The following ZFP2 variants were observed in gnomAD, a reference collection of about 807,000 sequenced individuals.
ZFP2 encodes the protein zinc finger protein ZFP2.
ZFP2 carries 33 observed loss-of-function variants against 36.1 expected under a neutral mutation model. The observed-to-expected ratio is 0.92, with a 90% CI of 0.69 to 1.22. The LOEUF is 1.22. ZFP2 is among the 50% of genes most tolerant of loss of function. ZFP2 has a pLI of 0.00. For missense variants in ZFP2, 522 were observed against 551.4 expected, an observed-to-expected ratio of 0.95 and a Z score of 0.53; for synonymous variants, 170 against 178.0, an observed-to-expected ratio of 0.96 and a Z score of 0.36.
In ZFP2 at chr5:178,931,354, C is replaced by T. The variant is rs777063081; in HGVS notation, c.41C>T (p.Thr14Ile). The part of the protein sequence containing the change: ...EGIWHSTLGE[T>I]WEPNNWLEGQ... ...ATCTGGCATTCTACTCTAGGGGAAACCTGGGAACCTAATAATTGGTTAGAG... is the reference window on the plus strand; with the variant it reads ...ATCTGGCATTCTACTCTAGGGGAAATCTGGGAACCTAATAATTGGTTAGAG... Residue 14 changes from threonine (T) to isoleucine (I), a missense_variant, in exon 5 of 5, where the codon ACC (threonine) becomes ATC (isoleucine). Physicochemically the swap from Thr to Ile is moderately conservative, Grantham distance 89. Transcript: ENST00000361362. 3.1e-6 allele frequency: 5 copies of T among 1,612,866 alleles called. No homozygotes were observed. Among genetic ancestry groups the T allele is most frequent in the Admixed American group, 1.7e-5 (1 of 59,870 alleles).
intron 1 of ZFP2, among the ~76,000 whole-genome samples, chr5:178,911,555 A>G (rs1758299304): frequency 1.3e-5 from 2 of 152,136 alleles, no homozygotes; most frequent in Admixed American, 1.3e-4. Flanking sequence ...TAATGAGTAT[A>G]TGTGAAATAA....
chr5:178,930,040 A>G (rs1758792608), intron 4 of ZFP2, among the ~76,000 whole-genome samples: 1 of 151,192 alleles, frequency 6.6e-6, no homozygotes. Context: ...GAGGTGTTAC[A>G]CACTTGTAAA....
chr5:178,929,041 C>G (rs1309699564), intron 4 of ZFP2, among the ~76,000 whole-genome samples: 1 of 152,224 alleles, frequency 6.6e-6, no homozygotes, highest in African/African-American at 2.4e-5. Flanking sequence ...TGTAACCTGG[C>G]CCCTTTCAGC....
In ZFP2 at chr5:178,927,742, G is replaced by A. The variant is rs139347523; in HGVS notation, c.-77-3495G>A. 8.9e-3 allele frequency among the ~76,000 whole-genome samples: 1,339 copies of A among 150,514 alleles called. 19 individuals carry two copies. Among genetic ancestry groups the A allele is most frequent in the African/African-American group, 0.031 (1,289 of 40,924 alleles). Reference sequence around the variant, plus strand: ...GTAGAGATGGGGTTTTGCTATGTTGGCCAGGCTAGTCTCGAACTCCTGACC... The same window carrying A: ...GTAGAGATGGGGTTTTGCTATGTTGACCAGGCTAGTCTCGAACTCCTGACC... On this transcript the variant is annotated intron_variant, in intron 4 of 4. Coordinates refer to ENST00000361362, the MANE Select transcript of ZFP2 (RefSeq NM_030613.4).
At chr5:178,910,227 G>A (rs1758263632) in intron 1 of ZFP2, 1 of 1,580,026 alleles carries the variant, frequency 6.3e-7, no homozygotes, top group African/African-American at 1.3e-5. Flanking sequence ...GAACTTCCAA[G>A]CCAAGAGCAG....
chr5:178,901,494 G>A (rs957301486), intron 1 of ZFP2, among the ~76,000 whole-genome samples: 1 of 152,206 alleles, frequency 6.6e-6, no homozygotes, highest in African/African-American at 2.4e-5. Context: ...TCTAGCTTCT[G>A]GTGGTTTGCT....
chr5:178,904,281 C>T (rs1237754065), intron 1 of ZFP2, among the ~76,000 whole-genome samples: 1 of 152,104 alleles, frequency 6.6e-6, no homozygotes, highest in African/African-American at 2.4e-5. Flanking sequence ...ATCTCCTTCT[C>T]TGAGCTCTTA....
intron 1 of ZFP2, among the ~76,000 whole-genome samples, chr5:178,901,044 A>C (rs1490727117): frequency 6.6e-6 from 1 of 152,246 alleles, no homozygotes; most frequent in Non-Finnish European, 1.5e-5. Context: ...TACACAGTTG[A>C]ATATACCACC....
intron 1 of ZFP2, among the ~76,000 whole-genome samples, chr5:178,906,871 T>C (rs983763633): frequency 6.6e-6 from 1 of 150,766 alleles, no homozygotes; most frequent in African/African-American, 2.4e-5. Context: ...TTTTTGTCTT[T>C]TTTTTTTTTT....
Position 178,916,584 on chromosome 5 carries a change from T to C in ZFP2, c.-204T>C, listed in dbSNP as rs1758436194. 1 of 985,244 alleles carries C rather than the reference T, an allele frequency of 1.0e-6. No individual in the cohort carries two copies. 61.0% of individuals were successfully genotyped at this position (985,244 alleles called of 1,614,324 possible). A position where few individuals can be genotyped will look rare whatever the true frequency, so the allele number is the denominator to read the frequency against. On this transcript the variant is annotated 5_prime_UTR_variant, in exon 4 of 5. Coordinates refer to ENST00000361362, the MANE Select transcript of ZFP2 (RefSeq NM_030613.4). The stretch of plus-strand genomic sequence containing the variant: ...TTCCAGATTTTCTTGGATATTGCTG[T>C]CAGATTAATCTGACATTTAGTCCTC...
chr5:178,901,869 C>T (rs1361323158), intron 1 of ZFP2, among the ~76,000 whole-genome samples: 1 of 152,014 alleles, frequency 6.6e-6, no homozygotes, highest in African/African-American at 2.4e-5. Flanking sequence ...CACGGTGGCT[C>T]ATGCCTGTAA....
chr5:178,923,748 CTT>C (rs75564560), intron 4 of ZFP2, among the ~76,000 whole-genome samples: 5 of 140,034 alleles, frequency 3.6e-5, no homozygotes, highest in Non-Finnish European at 3.2e-5. Context: ...TGTAGGTAAT[CTT>C]TTTTTTTTTT....
At chr5:178,914,795 T>G (rs1334075513) in intron 3 of ZFP2, among the ~76,000 whole-genome samples, 2 of 152,160 alleles carry the variant, frequency 1.3e-5, no homozygotes, top group Non-Finnish European at 2.9e-5. Flanking sequence ...CAGGGAGGGC[T>G]TCTCCTTTAA....
chr5:178,910,191 G>T, intron 1 of ZFP2: 1 of 1,566,470 alleles, frequency 6.4e-7, no homozygotes, highest in South Asian at 1.1e-5. Flanking sequence ...AATCTTTCTG[G>T]TGAATTTGCA....
chr5:178,910,669 C>T (rs538141361), intron 1 of ZFP2: 2 of 358,354 alleles, frequency 5.6e-6, no homozygotes, highest in East Asian at 1.3e-4. Context: ...TGCCGCTGGC[C>T]CATGCACCTC....
Position 178,932,806 on chromosome 5 carries a change from G to T in ZFP2, c.*107G>T. 1 of 1,362,104 alleles carries T rather than the reference G, an allele frequency of 7.3e-7. No homozygotes were observed. Among genetic ancestry groups the T allele is most frequent in the Non-Finnish European group, 9.9e-7 (1 of 1,014,814 alleles). 84.4% of individuals were successfully genotyped at this position (1,362,104 alleles called of 1,614,324 possible). On this transcript the variant is annotated 3_prime_UTR_variant, in exon 5 of 5. Transcript: ENST00000361362. Reference sequence around the variant, plus strand: ...ATGTAATGATTGTGGGAATCTTTCAGTTGAAGTACAATATGTCATATCAGA... The same window carrying T: ...ATGTAATGATTGTGGGAATCTTTCATTTGAAGTACAATATGTCATATCAGA...
chr5:178,919,937 C>A (rs970014036), intron 4 of ZFP2, among the ~76,000 whole-genome samples: 7 of 151,256 alleles, frequency 4.6e-5, no homozygotes, highest in African/African-American at 1.7e-4. Flanking sequence ...GCACTTCAGC[C>A]TGGGCGACAG....
intron 1 of ZFP2, among the ~76,000 whole-genome samples, chr5:178,899,097 G>T (rs938091748): frequency 2.0e-5 from 3 of 152,122 alleles, no homozygotes; most frequent in African/African-American, 7.2e-5. Context: ...GGTAGTGTTT[G>T]CCCATCTCAG....
In ZFP2 at chr5:178,932,846, A is replaced by G; in HGVS notation, c.*147A>G. The G allele has an allele frequency of 9.9e-7, 1 of 1,010,508 alleles. No homozygotes were observed. The highest frequency in any genetic ancestry group is 1.4e-6 in the Non-Finnish European group (1 of 720,902). The allele number at this position is 1,010,508 out of a possible 1,614,324, so 62.6% of individuals were successfully genotyped here. A position where few individuals can be genotyped will look rare whatever the true frequency, so the allele number is the denominator to read the frequency against. ...GTCATATCAGATAATACCACTGCAG[A>G]GAATCCATCTAAAAGTAGAGAAATC... On this transcript the variant is annotated 3_prime_UTR_variant, in exon 5 of 5. Transcript: ENST00000361362.
Sources: gnomAD v4.1 joint callset for allele counts (sites outside exome capture counted in the v4.1 genomes callset) on GRCh38, gnomAD v4.1.1 for gene constraint, MANE v1.5 for transcripts, NCBI Gene and HGNC (gene_info 2026-07-23, HGNC 2026-07-21) for gene names.